HIP1R: variants seen among roughly 807,000 people sequenced by gnomAD.
The protein encoded by HIP1R is huntingtin-interacting protein 1-related protein.
Under a neutral mutation model 144.2 loss-of-function variants are expected in HIP1R, and 135 were observed. The observed-to-expected ratio is 0.94, with a 90% confidence interval of 0.81 to 1.08. The LOEUF is 1.08. Among genes scored for constraint, HIP1R ranks in the 50% least tolerant of loss-of-function variants. HIP1R has a pLI of 0.00. For synonymous variants in HIP1R, 698 were observed against 612.8 expected (o/e 1.14, Z -2.05); for missense variants, 1,462 against 1,432.8 (o/e 1.02, Z -0.33).
rs557803190 is a variant in HIP1R, at chr12:122,848,632, C to T, written c.300+24C>T. ...ATGTGAGTAGCAGCTGCTGCCTCTGCTCCCCGGAGCTGGGGCACTGTCCCG... is the reference window on the plus strand; with the variant it reads ...ATGTGAGTAGCAGCTGCTGCCTCTGTTCCCCGGAGCTGGGGCACTGTCCCG... On this transcript the variant is annotated intron_variant, in intron 3 of 31. Coordinates refer to ENST00000253083, the MANE Select transcript of HIP1R (RefSeq NM_003959.3). 30 of 1,601,702 alleles carry T rather than the reference C, an allele frequency of 1.9e-5. No homozygotes were observed. The East Asian group carries it at 6.5e-4, about 35-fold the overall frequency.
chr12:122,851,173 CTCAGGACGAGTGGGTGGG>C (rs1446802046), intron 6 of HIP1R, 45 bp from the exon 7 acceptor site: 3 of 1,417,406 alleles, frequency 2.1e-6, no homozygotes, highest in Non-Finnish European at 2.8e-6. Context: ...GAGGGGGCGT[CTCAGGACGAGTGGGTGGG>C]TCCACCCACC....
At chr12:122,851,584 C>A (rs1401666622) in intron 7 of HIP1R, among the ~76,000 whole-genome samples, 1 of 152,056 alleles carries the variant, frequency 6.6e-6, no homozygotes, top group Non-Finnish European at 1.5e-5. Flanking sequence ...CCTGTATTCC[C>A]AGCTACTTGG....
rs532582322 is a variant in HIP1R at position 122,837,869 on chromosome 12, G to A, written c.93+2226G>A. ...GTTCCCAGAAATAATCAGGTGAGCC[G>A]CCAGCCAGGTCCCGTGGTGGAAAAG... On this transcript the variant is annotated intron_variant, in intron 1 of 31. Coordinates refer to ENST00000253083, the MANE Select transcript of HIP1R (RefSeq NM_003959.3). Among the ~76,000 whole-genome samples the A allele has an allele frequency of 1.5e-3, 230 of 152,316 alleles. 1 individual carries two copies. The highest frequency in any genetic ancestry group is 5.2e-3 in the African/African-American group (218 of 41,568).
At position 122,858,454 on chromosome 12, in the gene HIP1R, G is replaced by GGGCGGA; in HGVS notation, c.2050+25_2050+30dup. ...TTGGCAGGTGAGTGTAGCCAGGGCA[G>GGGCGGA]GGCGGAGGCGGGGGCTGTGTCCCAG... On this transcript the variant is annotated intron_variant, in intron 20 of 31. Transcript: ENST00000253083. The GGGCGGA allele has an allele frequency of 1.3e-6, 2 of 1,566,584 alleles. No individual in the cohort carries two copies. The highest frequency in any genetic ancestry group is 3.7e-5 in the Admixed American group (2 of 54,426).
chr12:122,857,176 C>T lies in HIP1R; in HGVS notation c.1776C>T (p.Ser592=), dbSNP rs1053722704. Residue 592 remains serine, a synonymous_variant, in exon 18 of 32, where the codon TCC becomes TCT. Coordinates refer to ENST00000253083, the MANE Select transcript of HIP1R (RefSeq NM_003959.3). ...AALSREQQRS[S]QEQGELQGRL... ...TGAGCCGGGAGCAGCAGCGCAGCTC[C>T]CAGGAGCAGGGCGAGTTGCAGGGCC... The T allele has an allele frequency of 1.7e-5, 26 of 1,550,328 alleles. No individual in the cohort carries two copies. Among genetic ancestry groups the T allele is most frequent in the Non-Finnish European group, 2.2e-5 (25 of 1,146,870 alleles).
Position 122,840,060 on chromosome 12 carries a change from C to T in HIP1R, c.93+4417C>T, listed in dbSNP as rs564808733. Among the ~76,000 whole-genome samples, 1 of 152,378 alleles carries T rather than the reference C, an allele frequency of 6.6e-6. No homozygotes were observed. The highest frequency in any genetic ancestry group is 1.5e-5 in the Non-Finnish European group (1 of 68,028). ...GCACTGCTGTCTCGCCCCGTGACAT[C>T]CTCTGCTCGGTTCCACCCCATCAGC... On this transcript the variant is annotated intron_variant, in intron 1 of 31. Coordinates refer to ENST00000253083, the MANE Select transcript of HIP1R (RefSeq NM_003959.3). This position sits in a 1 kb window ranked among gnomAD's most constrained non-coding sequence, Gnocchi z 4.2.
chr12:122,853,899 A>C, intron 7 of HIP1R, 144 bp from the exon 8 acceptor site: 2 of 930,004 alleles, frequency 2.2e-6, no homozygotes, highest in Non-Finnish European at 3.2e-6. Context: ...GGCAGCCACC[A>C]GCACATGAGG....
chr12:122,842,756 G>A (rs2135635360), intron 1 of HIP1R, among the ~76,000 whole-genome samples: 1 of 152,344 alleles, frequency 6.6e-6, no homozygotes, highest in East Asian at 1.9e-4. Flanking sequence ...CCTCTCGGGA[G>A]CGTCCCCTGC....
intron 1 of HIP1R, among the ~76,000 whole-genome samples, chr12:122,843,392 C>A (rs964227872): frequency 9.2e-5 from 14 of 152,220 alleles, no homozygotes; most frequent in African/African-American, 3.4e-4. Context: ...AATGAGGCAA[C>A]ACTGGAACAA....
intron 1 of HIP1R, among the ~76,000 whole-genome samples, chr12:122,842,109 C>T (rs2033075116): frequency 6.6e-6 from 1 of 152,136 alleles, no homozygotes. Context: ...CTGTCAATGG[C>T]CTTTGAGGGG....
At chr12:122,849,323 G>T (rs1309223088) in intron 4 of HIP1R, among the ~76,000 whole-genome samples, 1 of 152,270 alleles carries the variant, frequency 6.6e-6, no homozygotes, top group African/African-American at 2.4e-5. Context: ...GAGGGCCTTG[G>T]CCTGGTTCTC....
rs2033027366 is a variant in HIP1R at position 122,840,476 on chromosome 12, A to G, written c.93+4833A>G. 1.3e-5 allele frequency among the ~76,000 whole-genome samples: 2 copies of G among 152,168 alleles called. No homozygotes were observed. The highest frequency in any genetic ancestry group is 2.1e-4 in the South Asian group (1 of 4,826). On this transcript the variant is annotated intron_variant, in intron 1 of 31. Transcript: ENST00000253083. This position sits in a 1 kb window ranked among gnomAD's most constrained non-coding sequence, Gnocchi z 4.2. ...TTCACCACTCTGCCTCAGTTTCCTT[A>G]TCTACAAAATGGGGGCAATAATACT...
Position 122,860,514 on chromosome 12 carries a change from C to A in HIP1R, c.2651C>A (p.Thr884Lys). The A allele has an allele frequency of 6.2e-7, 1 of 1,610,946 alleles. No homozygotes were observed. Among genetic ancestry groups the A allele is most frequent in the Non-Finnish European group, 8.5e-7 (1 of 1,178,226 alleles). Reference protein sequence around the residue: ...SASKAVGWGATQLVEAADKVV... With the variant: ...SASKAVGWGAKQLVEAADKVV... ...TCCAAGGCTGTGGGCTGGGGAGCCA[C>A]ACAGCTGGTGTAGGTTGCCCTGGGT... The change falls in exon 27 of 32, where the codon ACA (threonine) becomes AAA (lysine). Residue 884 changes from threonine to lysine, a missense_variant. Coordinates refer to ENST00000253083, the MANE Select transcript of HIP1R (RefSeq NM_003959.3).
chr12:122,854,037 G>A lies in HIP1R; in HGVS notation c.578-6G>A, dbSNP rs757421549. On this transcript the variant is annotated splice_region_variant and splice_polypyrimidine_tract_variant and intron_variant, in intron 7 of 31. Coordinates refer to ENST00000253083, the MANE Select transcript of HIP1R (RefSeq NM_003959.3). ...TCACGTTCTTCCTCCTGCCCCTTTT[G>A]CACAGTTTTCCGACAGCTCAACACG... 8 of 1,612,460 alleles carry A rather than the reference G, an allele frequency of 5.0e-6. No homozygotes were observed. In the African/African-American group the frequency reaches 1.1e-4, roughly 22 times the overall value.
At chr12:122,842,451 C>T (rs971030850) in intron 1 of HIP1R, among the ~76,000 whole-genome samples, 2 of 152,242 alleles carry the variant, frequency 1.3e-5, no homozygotes, top group Non-Finnish European at 2.9e-5. Context: ...TCTTGTCCTT[C>T]GAGTGTTCAC....
Position 122,848,862 on chromosome 12 carries a change from G to A in HIP1R, c.357+10G>A. The A allele has an allele frequency of 1.2e-6, 2 of 1,613,036 alleles. No homozygotes were observed. The highest frequency in any genetic ancestry group is 1.7e-6 in the Non-Finnish European group (2 of 1,179,802). ...GATTGGAGACCTGTGGGTAGGTCCA[G>A]CCATTCTAGGTCCTGCCTGGCATTC... On this transcript the variant is annotated intron_variant, in intron 4 of 31. Coordinates refer to ENST00000253083, the MANE Select transcript of HIP1R (RefSeq NM_003959.3).
intron 31 of HIP1R, 58 bp downstream of exon 31, chr12:122,861,572 G>C: frequency 6.3e-7 from 1 of 1,576,160 alleles, no homozygotes; most frequent in South Asian, 1.1e-5. Flanking sequence ...CCCAGCCCTA[G>C]AGGGGCACAT....
At chr12:122,850,739 C>T (rs762991570) in intron 5 of HIP1R, 96 bp from the exon 6 acceptor site, 5 of 533,370 alleles carry the variant, frequency 9.4e-6, no homozygotes, top group East Asian at 9.5e-5. Context: ...GGCCCTGGTT[C>T]AGTGGCCGCT....
At chr12:122,858,275 G>A (rs772569071) in intron 19 of HIP1R, 26 bp downstream of exon 19, 40 of 1,576,272 alleles carry the variant, frequency 2.5e-5, no homozygotes, top group East Asian at 9.1e-5. Context: ...ACACTCAGCC[G>A]CTCCCCTGCC....
Sources: allele counts gnomAD v4.1 joint callset (sites outside exome capture counted in the v4.1 genomes callset), GRCh38; gene constraint gnomAD v4.1.1; non-coding constraint Gnocchi (gnomAD v3.1); transcripts MANE v1.5; gene names NCBI Gene and HGNC (gene_info 2026-07-23, HGNC 2026-07-21).